DTNB: variants seen among roughly 807,000 people sequenced by gnomAD.
DTNB encodes DTN-B.
DTNB carries 63 observed loss-of-function variants against 90.7 expected under a neutral mutation model. The ratio of observed to expected loss-of-function variants is 0.69; its 90% CI spans 0.57 to 0.86. The LOEUF (loss-of-function observed/expected upper bound fraction) is 0.86, where lower values mean the gene tolerates loss of function less well. Ranked by LOEUF, DTNB falls within the 40% of genes least tolerant of loss-of-function variation. The pLI is 0.00. For missense variants in DTNB, 744 were observed against 807.1 expected, an observed-to-expected ratio of 0.92 and a Z score of 0.95; for synonymous variants, 277 against 286.7, an observed-to-expected ratio of 0.97 and a Z score of 0.34.
chr2:25,528,219 A>G (rs1173846786), intron 9 of DTNB, among the ~76,000 whole-genome samples: 2 of 152,222 alleles, frequency 1.3e-5, no homozygotes, highest in African/African-American at 2.4e-5. Flanking sequence ...TTCATGACAA[A>G]AAGAAAGCAT....
At chr2:25,560,339 T>C (rs966356537) in intron 8 of DTNB, among the ~76,000 whole-genome samples, 3 of 152,346 alleles carry the variant, frequency 2.0e-5, no homozygotes, top group Non-Finnish European at 4.4e-5. Context: ...GTGTTCCTTT[T>C]AGGGTGTTTT....
intron 3 of DTNB, among the ~76,000 whole-genome samples, chr2:25,631,467 G>C (rs1399959156): frequency 1.3e-5 from 2 of 151,664 alleles, no homozygotes; most frequent in African/African-American, 4.8e-5. Flanking sequence ...TAGCTATTGG[G>C]GAGGCTACAG....
chr2:25,572,178 C>T (rs73922433), intron 8 of DTNB, among the ~76,000 whole-genome samples: 10,133 of 152,158 alleles, frequency 0.067, 1,088 homozygotes, highest in African/African-American at 0.23. Context: ...GGCAAACTAT[C>T]TGCACCAGGC....
At chr2:25,381,178 G>C (rs1408604768) in intron 19 of DTNB, among the ~76,000 whole-genome samples, 1 of 152,126 alleles carries the variant, frequency 6.6e-6, no homozygotes, top group Non-Finnish European at 1.5e-5. Context: ...GCTAGGATTT[G>C]GTTGGCATGT....
chr2:25,622,412 G>A (rs186398159), intron 4 of DTNB, among the ~76,000 whole-genome samples: 11 of 152,314 alleles, frequency 7.2e-5, no homozygotes, highest in Middle Eastern at 6.8e-3. Context: ...TCCAGGAGGT[G>A]GAGGTTGCAG....
intron 16 of DTNB, among the ~76,000 whole-genome samples, chr2:25,402,507 A>G (rs1364586982): frequency 1.3e-5 from 2 of 152,124 alleles, no homozygotes; most frequent in Non-Finnish European, 2.9e-5. Flanking sequence ...TTAAAGATGA[A>G]CTTGGCTTCT....
chr2:25,582,333 T>C (rs752381655), intron 6 of DTNB, among the ~76,000 whole-genome samples: 1 of 152,200 alleles, frequency 6.6e-6, no homozygotes, highest in Non-Finnish European at 1.5e-5. Context: ...GGCTCAAGAC[T>C]AGACAGACTT....
chr2:25,408,384 C>A (rs2045768702), intron 16 of DTNB, among the ~76,000 whole-genome samples: 1 of 149,734 alleles, frequency 6.7e-6, no homozygotes, highest in Middle Eastern at 3.2e-3. Context: ...AAAAAACCAA[C>A]AAAAATTAGT....
intron 16 of DTNB, among the ~76,000 whole-genome samples, chr2:25,389,184 A>C (rs1407335900): frequency 6.6e-6 from 1 of 152,216 alleles, no homozygotes; most frequent in Non-Finnish European, 1.5e-5. Context: ...ATAGAAGAAG[A>C]AGAATGGAAA....
Position 25,628,371 on chromosome 2 carries a change from A to G in DTNB, c.162T>C (p.Asp54=), listed in dbSNP as rs776921519. ...GGAAGGCTTCAATCATGTTCCAGAT[A>G]TCAACAAGATGAACTAAAAGACAAA... is the stretch of plus-strand genomic sequence containing the variant. The part of the protein sequence containing the change: ...VQKRCNLHLV[D]IWNMIEAFRD... The change falls in exon 4 of 21, where the codon GAT becomes GAC. Residue 54 remains aspartate, a synonymous_variant. Transcript: ENST00000406818. The G allele has an allele frequency of 2.5e-5, 40 of 1,613,204 alleles. 1 individual carries two copies. In the South Asian group the frequency reaches 4.3e-4, roughly 17 times the overall value.
intron 4 of DTNB, among the ~76,000 whole-genome samples, chr2:25,615,299 T>C (rs550318087): frequency 6.6e-5 from 10 of 152,212 alleles, no homozygotes; most frequent in African/African-American, 1.9e-4. Flanking sequence ...CCTAGTCCTT[T>C]TGGGTTTTTA....
chr2:25,382,554 A>T (rs2038151521), intron 19 of DTNB, among the ~76,000 whole-genome samples: 1 of 105,674 alleles, frequency 9.5e-6, no homozygotes, highest in Non-Finnish European at 1.8e-5. Context: ...TTTGAGACAG[A>T]GTCTCTCTTT....
intron 12 of DTNB, among the ~76,000 whole-genome samples, chr2:25,447,983 C>T (rs1450853782): frequency 6.6e-6 from 1 of 152,182 alleles, no homozygotes; most frequent in Non-Finnish European, 1.5e-5. Flanking sequence ...GTGACAGCAA[C>T]AGTAGCTCTT....
chr2:25,404,737 C>T (rs1318708904), intron 16 of DTNB, among the ~76,000 whole-genome samples: 1 of 152,054 alleles, frequency 6.6e-6, no homozygotes, highest in African/African-American at 2.4e-5. Context: ...CGACTGTAAT[C>T]CCAGCTACTC....
intron 2 of DTNB, among the ~76,000 whole-genome samples, chr2:25,651,182 C>T (rs1274526216): frequency 6.6e-6 from 1 of 152,204 alleles, no homozygotes; most frequent in Non-Finnish European, 1.5e-5. Context: ...ATGTGAGTGC[C>T]AGGCACTGTG....
At chr2:25,450,345 G>A (rs765874088) in intron 12 of DTNB, among the ~76,000 whole-genome samples, 8 of 152,154 alleles carry the variant, frequency 5.3e-5, no homozygotes, top group Non-Finnish European at 7.4e-5. Context: ...TTTGTTGAAA[G>A]TCATTTGACC....
chr2:25,452,258 C>T (rs1424444242), intron 11 of DTNB, among the ~76,000 whole-genome samples: 1 of 152,132 alleles, frequency 6.6e-6, no homozygotes, highest in Non-Finnish European at 1.5e-5. Context: ...AATCTAAGGA[C>T]CCATTCAGAC....
At chr2:25,616,102 C>T (rs1333581835) in intron 4 of DTNB, among the ~76,000 whole-genome samples, 2 of 152,182 alleles carry the variant, frequency 1.3e-5, no homozygotes, top group East Asian at 3.8e-4. Flanking sequence ...ATCTCTCCTC[C>T]TTCAAAGAGA....
intron 1 of DTNB, among the ~76,000 whole-genome samples, chr2:25,654,334 TAC>T (rs2081636510): frequency 6.6e-6 from 1 of 152,326 alleles, no homozygotes; most frequent in South Asian, 2.1e-4. Flanking sequence ...TAGCAATATC[TAC>T]AGTCAGTTTT....
Sources: allele counts gnomAD v4.1 joint callset (sites outside exome capture counted in the v4.1 genomes callset), GRCh38; gene constraint gnomAD v4.1.1; transcripts MANE v1.5; gene names NCBI Gene and HGNC (gene_info 2026-07-23, HGNC 2026-07-21).